The following STK32B variants were observed in gnomAD, a reference collection of about 807,000 sequenced individuals.
STK32B encodes the protein serine/threonine-protein kinase 32B.
STK32B carries 43 observed loss-of-function variants against 52.6 expected under a neutral mutation model. The ratio of observed to expected loss-of-function variants is 0.82; its 90% CI spans 0.64 to 1.05. The LOEUF is 1.05. Ranked by LOEUF, STK32B falls within the 50% of genes least tolerant of loss-of-function variation. The pLI is 0.00. For missense variants in STK32B, 621 were observed against 534.6 expected (o/e 1.16, Z -1.59); for synonymous variants, 238 against 204.3 (o/e 1.17, Z -1.41).
chr4:5,405,281 T>G (rs1394608560), intron 5 of STK32B, among the ~76,000 whole-genome samples: 1 of 151,094 alleles, frequency 6.6e-6, no homozygotes, highest in African/African-American at 2.4e-5. Context: ...GACCAAGAGC[T>G]TGGAGGACCA....
intron 4 of STK32B, among the ~76,000 whole-genome samples, chr4:5,382,685 C>G (rs976210636): frequency 6.6e-6 from 1 of 152,192 alleles, no homozygotes. Context: ...TTTCTCTTCT[C>G]CCGAGCAAGG....
At chr4:5,434,851 C>T (rs992951647) in intron 6 of STK32B, among the ~76,000 whole-genome samples, 2 of 152,126 alleles carry the variant, frequency 1.3e-5, no homozygotes, top group East Asian at 1.9e-4. Flanking sequence ...CAATAAATGG[C>T]CCCCCTAAGA....
chr4:5,466,577 C>T (rs1189309022), intron 9 of STK32B, 126 bp from the exon 10 acceptor site: 24 of 1,252,610 alleles, frequency 1.9e-5, no homozygotes, highest in East Asian at 1.0e-4. Context: ...AAAGGTAACC[C>T]GTGTATCCAA....
chr4:5,295,590 G>A (rs1409490008), intron 3 of STK32B, among the ~76,000 whole-genome samples: 2 of 152,078 alleles, frequency 1.3e-5, no homozygotes, highest in African/African-American at 2.4e-5. Context: ...TCTGATGGTA[G>A]TTTGTATTTC....
chr4:5,075,351 C>G (rs1330499960), intron 1 of STK32B, among the ~76,000 whole-genome samples: 1 of 152,044 alleles, frequency 6.6e-6, no homozygotes, highest in Non-Finnish European at 1.5e-5. Context: ...GAAATGAAAC[C>G]CGAAGGTTTT....
At chr4:5,262,610 G>A (rs545598139) in intron 3 of STK32B, among the ~76,000 whole-genome samples, 2 of 148,044 alleles carry the variant, frequency 1.4e-5, no homozygotes, top group East Asian at 2.0e-4. Flanking sequence ...GGGCGACAGA[G>A]CGAGACTCCA....
intron 11 of STK32B, among the ~76,000 whole-genome samples, chr4:5,486,296 C>T (rs1329097317): frequency 3.3e-5 from 5 of 152,200 alleles, no homozygotes; most frequent in African/African-American, 1.2e-4. Flanking sequence ...GCGGGCGCCC[C>T]ACCCCCAACC....
At chr4:5,160,987 T>C (rs899712664) in intron 2 of STK32B, among the ~76,000 whole-genome samples, 8 of 152,050 alleles carry the variant, frequency 5.3e-5, no homozygotes, top group African/African-American at 1.9e-4. Flanking sequence ...CAGAGGTCGC[T>C]GTGGGGAGTA....
chr4:5,102,416 T>G (rs921806879), intron 1 of STK32B, among the ~76,000 whole-genome samples: 1 of 151,220 alleles, frequency 6.6e-6, no homozygotes, highest in African/African-American at 2.4e-5. Context: ...AAGTTCTTTC[T>G]TTCCTTCTTC....
the STK32B span, among the ~76,000 whole-genome samples, chr4:5,046,026 A>G: frequency 6.6e-6 from 1 of 152,206 alleles, no homozygotes; most frequent in Non-Finnish European, 1.5e-5. Flanking sequence ...TAAATATCAT[A>G]TGACATCAAA....
At chr4:5,352,940 C>G (rs1209080137) in intron 4 of STK32B, among the ~76,000 whole-genome samples, 1 of 151,888 alleles carries the variant, frequency 6.6e-6, no homozygotes, top group Non-Finnish European at 1.5e-5. Flanking sequence ...CAAAAGAGCC[C>G]AAATAGCCAA....
chr4:5,269,168 C>T (rs1033532742), intron 3 of STK32B, among the ~76,000 whole-genome samples: 1 of 152,068 alleles, frequency 6.6e-6, no homozygotes, highest in South Asian at 2.1e-4. Context: ...CTGGAGTATT[C>T]GGGTGAGTGC....
chr4:5,494,570 T>A (rs556530616), intron 11 of STK32B, among the ~76,000 whole-genome samples: 1 of 152,288 alleles, frequency 6.6e-6, no homozygotes, highest in Admixed American at 6.5e-5. Context: ...ATTTAGCCCA[T>A]TTACATTTAA....
chr4:5,317,203 T>C (rs1159887969), intron 3 of STK32B, among the ~76,000 whole-genome samples: 11 of 44,620 alleles, frequency 2.5e-4, no homozygotes, highest in African/African-American at 1.4e-3. Flanking sequence ...ATATATATAT[T>C]ATATATATAA....
chr4:5,093,182 A>C (rs1175331470), intron 1 of STK32B, among the ~76,000 whole-genome samples: 2 of 152,240 alleles, frequency 1.3e-5, no homozygotes, highest in Non-Finnish European at 2.9e-5. Flanking sequence ...GAATACCTAA[A>C]ATATATGTAG....
intron 3 of STK32B, among the ~76,000 whole-genome samples, chr4:5,279,614 C>T (rs1489693096): frequency 6.6e-6 from 1 of 152,182 alleles, no homozygotes; most frequent in Non-Finnish European, 1.5e-5. Flanking sequence ...GGCAGTGCCC[C>T]AGTGGGGACT....
rs925587031 is a variant in STK32B, at chr4:5,470,548, G to C, written c.1106+2478G>C. On this transcript the variant is annotated intron_variant, in intron 11 of 11. Transcript: ENST00000282908. This position sits in a 1 kb window ranked among gnomAD's most constrained non-coding sequence, Gnocchi z 4.6. ...GCTGATAGGCTTCCTGTCACAGCAG[G>C]CGTGCAGGCTTACTGCCATATAAAG... Among the ~76,000 whole-genome samples, 3 of 152,052 alleles carry C rather than the reference G, an allele frequency of 2.0e-5. No individual in the cohort carries two copies. The highest frequency in any genetic ancestry group is 7.2e-5 in the African/African-American group (3 of 41,406).
the STK32B span, among the ~76,000 whole-genome samples, chr4:5,019,849 C>T: frequency 2.0e-5 from 3 of 152,152 alleles, no homozygotes; most frequent in South Asian, 2.1e-4. Flanking sequence ...TTGGATGGCA[C>T]GGTTTGTCAA....
At chr4:5,323,205 C>T (rs936949809) in intron 3 of STK32B, among the ~76,000 whole-genome samples, 1 of 152,130 alleles carries the variant, frequency 6.6e-6, no homozygotes, top group African/African-American at 2.4e-5. Flanking sequence ...GAGAAACCCA[C>T]TTTAGATTGG....
Sources: allele counts gnomAD v4.1 joint callset (sites outside exome capture counted in the v4.1 genomes callset), GRCh38; gene constraint gnomAD v4.1.1; non-coding constraint Gnocchi (gnomAD v3.1); transcripts MANE v1.5; gene names NCBI Gene and HGNC (gene_info 2026-07-23, HGNC 2026-07-21).